Variants in ADGRG6 observed in about 807,000 individuals in gnomAD.
ADGRG6 encodes the protein adhesion G protein-coupled receptor G6.
In ADGRG6, 84 loss-of-function variants were observed where a neutral mutation model predicts 142.4. The ratio of observed to expected loss-of-function variants is 0.59; its 90% CI spans 0.49 to 0.71. ADGRG6 has a LOEUF of 0.71. Ranked by LOEUF, ADGRG6 falls within the 30% of genes least tolerant of loss-of-function variation. The pLI is 0.00. For missense variants in ADGRG6, 1,367 were observed against 1,466.6 expected, an observed-to-expected ratio of 0.93 and a Z score of 1.11; for synonymous variants, 521 against 520.5, an observed-to-expected ratio of 1.00 and a Z score of -0.01.
In ADGRG6 at chr6:142,397,777, A is replaced by G. The variant is rs755284582; in HGVS notation, c.1567+22A>G. 4.1e-6 allele frequency: 6 copies of G among 1,474,166 alleles called. No homozygotes were observed. The Admixed American group carries it at 1.5e-4, about 37-fold the overall frequency. 91.3% of individuals were successfully genotyped at this position (1,474,166 alleles called of 1,614,324 possible). On this transcript the variant is annotated intron_variant, in intron 10 of 24. Coordinates refer to ENST00000367609, the MANE Select transcript of ADGRG6 (RefSeq NM_198569.3). ...CTGGGTAAGTGACTAATTTTTTTAT[A>G]ATATGCATTTTATACAACTGTATAT...
intron 24 of ADGRG6, among the ~76,000 whole-genome samples, chr6:142,439,892 A>C (rs1323424420): frequency 6.6e-6 from 1 of 152,220 alleles, no homozygotes; most frequent in Non-Finnish European, 1.5e-5. Context: ...GTGGCACAAA[A>C]TATTTTTGCT....
chr6:142,356,462 C>G (rs1780450223), intron 2 of ADGRG6, among the ~76,000 whole-genome samples: 2 of 152,194 alleles, frequency 1.3e-5, no homozygotes, highest in South Asian at 4.1e-4. Flanking sequence ...GGGACTCAGA[C>G]TTATGGCTCC....
At chr6:142,415,163 C>T (rs770215925) in intron 19 of ADGRG6, 67 bp downstream of exon 19, 260 of 1,367,524 alleles carry the variant, frequency 1.9e-4, no homozygotes, top group Non-Finnish European at 2.2e-4. Flanking sequence ...AAAATTGCCT[C>T]GGCTTTGAAA....
At chr6:142,438,542 A>C (rs2115198446) in intron 24 of ADGRG6, among the ~76,000 whole-genome samples, 178 bp downstream of exon 24, 1 of 152,290 alleles carries the variant, frequency 6.6e-6, no homozygotes, top group South Asian at 2.1e-4. Context: ...TCCTTTTAAA[A>C]ATTTTGTAAC....
chr6:142,409,264 T>A (rs908458557), intron 16 of ADGRG6, among the ~76,000 whole-genome samples: 10 of 152,132 alleles, frequency 6.6e-5, no homozygotes, highest in Non-Finnish European at 1.5e-4. Context: ...AAACATACAG[T>A]GTTTGTCCTT....
chr6:142,371,386 CAAACTCCTG>C (rs1781245495), intron 4 of ADGRG6, among the ~76,000 whole-genome samples: 1 of 151,592 alleles, frequency 6.6e-6, no homozygotes, highest in Non-Finnish European at 1.5e-5. Context: ...AGGCTGGTCT[CAAACTCCTG>C]ACCTCAAGTG....
chr6:142,317,865 AT>A (rs1191629880), intron 2 of ADGRG6, among the ~76,000 whole-genome samples: 12 of 80,244 alleles, frequency 1.5e-4, no homozygotes, highest in Admixed American at 6.9e-4. Context: ...TTTATATTAT[AT>A]TTTTATATAT....
At position 142,332,971 on chromosome 6, in the gene ADGRG6, G is replaced by A. The variant is rs560271387; in HGVS notation, c.103+23327G>A. On this transcript the variant is annotated intron_variant, in intron 2 of 24. Transcript: ENST00000367609. ...AAGTACACTAGGAAATATACTGAGC[G>A]TAAAAATAGCTTGGCAGTTACTGAC... 1.2e-4 allele frequency among the ~76,000 whole-genome samples: 18 copies of A among 152,284 alleles called. No individual in the cohort carries two copies. The South Asian group carries it at 2.1e-3, about 18-fold the overall frequency.
At chr6:142,420,139 C>A in intron 22 of ADGRG6, 35 bp downstream of exon 22, 1 of 1,539,802 alleles carries the variant, frequency 6.5e-7, no homozygotes, top group Non-Finnish European at 8.9e-7. Flanking sequence ...TCTCTGCTTT[C>A]TAATTTTGTC....
intron 2 of ADGRG6, among the ~76,000 whole-genome samples, chr6:142,352,751 C>A (rs1780251311): frequency 6.6e-6 from 1 of 152,080 alleles, no homozygotes; most frequent in Non-Finnish European, 1.5e-5. Flanking sequence ...CATATATATG[C>A]ATCCCAAAAG....
intron 24 of ADGRG6, among the ~76,000 whole-genome samples, chr6:142,439,257 C>T (rs1180735790): frequency 6.6e-6 from 1 of 152,172 alleles, no homozygotes; most frequent in South Asian, 2.1e-4. Flanking sequence ...TAAATTAAAC[C>T]CCTGGCAGAC....
chr6:142,438,325 T>C lies in ADGRG6; in HGVS notation c.3535T>C (p.Ser1179Pro), dbSNP rs548532834. The C allele has an allele frequency of 1.9e-6, 3 of 1,610,362 alleles. No homozygotes were observed. Among genetic ancestry groups the C allele is most frequent in the Admixed American group, 3.4e-5 (2 of 59,632 alleles). Residue 1179 changes from serine (S) to proline (P), a missense_variant, in exon 24 of 25, where the codon TCC becomes CCC. By Grantham distance (74) the Ser-to-Pro change is moderately conservative (BLOSUM62 -1). Around this residue, in one of 3 missense-constraint regions of ADGRG6, gnomAD observed 344 missense variants for 348.7 expected, o/e 0.99. Transcript: ENST00000367609. ...AACCTATCTTACATCCAAATCTAAA[T>C]CCAGCTCTACCACCTATTTCAAAAG... ...NSTYLTSKSK[S>P]SSTTYFKRNS...
Position 142,356,804 on chromosome 6 carries a change from C to T in ADGRG6, c.104-10765C>T, listed in dbSNP as rs191702977. Reference sequence around the variant, plus strand: ...ACCAGAAGCCACTGTGATCTCACTTCGAACATAGCCAAATAACCACATAAG... The same window carrying T: ...ACCAGAAGCCACTGTGATCTCACTTTGAACATAGCCAAATAACCACATAAG... On this transcript the variant is annotated intron_variant, in intron 2 of 24. Transcript: ENST00000367609. 2.3e-4 allele frequency among the ~76,000 whole-genome samples: 35 copies of T among 152,230 alleles called. No individual in the cohort carries two copies. In the East Asian group the frequency reaches 3.5e-3, roughly 15 times the overall value.
At chr6:142,338,812 G>A (rs1779477125) in intron 2 of ADGRG6, among the ~76,000 whole-genome samples, 1 of 152,018 alleles carries the variant, frequency 6.6e-6, no homozygotes, top group South Asian at 2.1e-4. Context: ...ATGCCTATAT[G>A]TCTTCTAGTC....
At chr6:142,371,150 T>C (rs923498144) in intron 4 of ADGRG6, among the ~76,000 whole-genome samples, 3 of 151,688 alleles carry the variant, frequency 2.0e-5, no homozygotes, top group Non-Finnish European at 4.4e-5. Flanking sequence ...ACAAAAGAAA[T>C]TAATAAGTAA....
chr6:142,397,563 C>T lies in ADGRG6; in HGVS notation c.1425-50C>T, dbSNP rs199520195. 2.0e-4 allele frequency: 309 copies of T among 1,566,278 alleles called. 2 individuals are homozygous for T. The Middle Eastern group carries it at 0.014, about 69-fold the overall frequency. ...ATACTCTGTTTCTCCTACCAAATGA[C>T]AAGCAACCAATGAACAACAACAACA... is the stretch of plus-strand genomic sequence containing the variant. On this transcript the variant is annotated intron_variant, in intron 9 of 24. Coordinates refer to ENST00000367609, the MANE Select transcript of ADGRG6 (RefSeq NM_198569.3).
At chr6:142,335,042 A>G (rs1452625438) in intron 2 of ADGRG6, among the ~76,000 whole-genome samples, 2 of 152,232 alleles carry the variant, frequency 1.3e-5, no homozygotes, top group Non-Finnish European at 2.9e-5. Flanking sequence ...ATTTAGCAGC[A>G]TTCTGACAGG....
chr6:142,364,701 A>C (rs1381097547), intron 2 of ADGRG6, among the ~76,000 whole-genome samples: 1 of 152,188 alleles, frequency 6.6e-6, no homozygotes, highest in Non-Finnish European at 1.5e-5. Context: ...CAGTGTTATC[A>C]GTCAAATTTA....
chr6:142,377,938 GATTTTTATTGTT>G (rs1247016283), intron 4 of ADGRG6, among the ~76,000 whole-genome samples: 1 of 152,098 alleles, frequency 6.6e-6, no homozygotes, highest in Non-Finnish European at 1.5e-5. Context: ...ATTCCAGTGT[GATTTTTATTGTT>G]ATATTGGATC....
Sources: allele counts gnomAD v4.1 joint callset (sites outside exome capture counted in the v4.1 genomes callset), GRCh38; gene constraint gnomAD v4.1.1; regional missense constraint gnomAD v4.1.1; transcripts MANE v1.5; gene names NCBI Gene and HGNC (gene_info 2026-07-23, HGNC 2026-07-21).